The following ANAPC16 variants were observed in gnomAD, a reference collection of about 807,000 sequenced individuals.
ANAPC16 encodes the protein anaphase-promoting complex subunit 16.
ANAPC16 carries 6 observed loss-of-function variants against 13.1 expected under a neutral mutation model. That is an observed-to-expected ratio of 0.46 (90% confidence interval 0.25 to 0.90). ANAPC16 has a LOEUF of 0.90. ANAPC16 is among the 40% of genes least tolerant of loss of function. ANAPC16 has a pLI of 0.18. For synonymous variants in ANAPC16, 55 were observed against 51.3 expected, an observed-to-expected ratio of 1.07 and a Z score of -0.31; for missense variants, 113 against 131.1, an observed-to-expected ratio of 0.86 and a Z score of 0.67.
intron 1 of ANAPC16, among the ~76,000 whole-genome samples, chr10:72,217,908 T>G (rs1254338112): frequency 6.6e-6 from 1 of 151,742 alleles, no homozygotes; most frequent in Non-Finnish European, 1.5e-5. Flanking sequence ...ATTTTCGGAT[T>G]TGAGAGGCTT....
At chr10:72,228,278 C>T (rs1374703474) in intron 2 of ANAPC16, among the ~76,000 whole-genome samples, 5 of 152,158 alleles carry the variant, frequency 3.3e-5, no homozygotes, top group Non-Finnish European at 7.3e-5. Flanking sequence ...CAGTTTGCAG[C>T]ATTCTCCTGC....
intron 1 of ANAPC16, among the ~76,000 whole-genome samples, chr10:72,222,721 G>A (rs1564791941): frequency 6.6e-6 from 1 of 152,240 alleles, no homozygotes; most frequent in East Asian, 1.9e-4. Flanking sequence ...AGGTTGCGGT[G>A]AGCCGATATC....
At chr10:72,228,083 G>T (rs1860182346) in intron 2 of ANAPC16, among the ~76,000 whole-genome samples, 1 of 151,842 alleles carries the variant, frequency 6.6e-6, no homozygotes, top group Non-Finnish European at 1.5e-5. Flanking sequence ...CCTGTCAAGA[G>T]TAAGGAACAA....
Position 72,233,639 on chromosome 10 carries a change from T to C in ANAPC16, c.*523T>C, listed in dbSNP as rs1860392498. Reference sequence around the variant, plus strand: ...TTCCTATTTTTAGACATCAATTCTATAGATTCTGACTTTTTCTAACCTCTT... The same window carrying C: ...TTCCTATTTTTAGACATCAATTCTACAGATTCTGACTTTTTCTAACCTCTT... On this transcript the variant is annotated 3_prime_UTR_variant, in exon 4 of 4. Coordinates refer to ENST00000299381, the MANE Select transcript of ANAPC16 (RefSeq NM_173473.4). 3 of 153,012 alleles carry C rather than the reference T, an allele frequency of 2.0e-5. No individual in the cohort carries two copies. Among genetic ancestry groups the C allele is most frequent in the Admixed American group, 2.0e-4 (3 of 15,326 alleles). The allele number at this position is 153,012 out of a possible 1,614,324, so 9.5% of individuals were successfully genotyped here. A position where few individuals can be genotyped will look rare whatever the true frequency, so the allele number is the denominator to read the frequency against.
intron 1 of ANAPC16, among the ~76,000 whole-genome samples, chr10:72,222,758 C>G (rs142933068): frequency 3.9e-5 from 6 of 152,238 alleles, no homozygotes; most frequent in African/African-American, 1.2e-4. Flanking sequence ...GCGTGGGCGA[C>G]AAGAGCGAGA....
At chr10:72,229,106 G>A (rs573622033) in intron 2 of ANAPC16, among the ~76,000 whole-genome samples, 1 of 151,674 alleles carries the variant, frequency 6.6e-6, no homozygotes, top group East Asian at 1.9e-4. Flanking sequence ...GATAATGACT[G>A]CTGACATTCA....
rs1487784122 is a variant in ANAPC16 at position 72,234,591 on chromosome 10, T to A, written c.*1475T>A. 6.6e-6 allele frequency: 1 copy of A among 152,208 alleles called. No individual in the cohort carries two copies. Among genetic ancestry groups the A allele is most frequent in the African/African-American group, 2.4e-5 (1 of 41,454 alleles). The allele number at this position is 152,208 out of a possible 1,614,324, so 9.4% of individuals were successfully genotyped here. A position where few individuals can be genotyped will look rare whatever the true frequency, so the allele number is the denominator to read the frequency against. ...TTGCCTTAGACAACATTTGTCTGGT[T>A]CCTTATTAATAACTTGCATCTGATC... On this transcript the variant is annotated 3_prime_UTR_variant, in exon 4 of 4. Transcript: ENST00000299381.
At chr10:72,219,449 A>G (rs1338982794) in intron 1 of ANAPC16, among the ~76,000 whole-genome samples, 1 of 152,190 alleles carries the variant, frequency 6.6e-6, no homozygotes, top group African/African-American at 2.4e-5. Context: ...AAGATTGAAA[A>G]TGTCAGCTGA....
intron 1 of ANAPC16, among the ~76,000 whole-genome samples, chr10:72,218,183 T>G (rs1416710971): frequency 2.6e-5 from 1 of 39,210 alleles, no homozygotes; most frequent in Non-Finnish European, 5.2e-5. Context: ...TATATATATA[T>G]ATATATATAT....
At position 72,235,536 on chromosome 10, in the gene ANAPC16, T is replaced by C. The variant is rs908597489; in HGVS notation, c.*2420T>C. On this transcript the variant is annotated 3_prime_UTR_variant, in exon 4 of 4. Transcript: ENST00000299381. ...TCACATTTTCTATATTAATAATTCTTAACTAAAAGAAGTTCCATATTCGAC... is the reference window on the plus strand; with the variant it reads ...TCACATTTTCTATATTAATAATTCTCAACTAAAAGAAGTTCCATATTCGAC... 23 of 152,226 alleles carry C rather than the reference T, an allele frequency of 1.5e-4. No homozygotes were observed. The highest frequency in any genetic ancestry group is 5.3e-4 in the African/African-American group (22 of 41,456). 9.4% of individuals were successfully genotyped at this position (152,226 alleles called of 1,614,324 possible).
At chr10:72,217,838 CT>C (rs1349143167) in intron 1 of ANAPC16, among the ~76,000 whole-genome samples, 3 of 152,046 alleles carry the variant, frequency 2.0e-5, no homozygotes, top group African/African-American at 7.2e-5. Flanking sequence ...AAATTTAAAA[CT>C]TTTTGAGCAC....
chr10:72,218,136 ACT>A (rs1413727137), intron 1 of ANAPC16, among the ~76,000 whole-genome samples: 7 of 116,548 alleles, frequency 6.0e-5, no homozygotes, highest in Admixed American at 1.9e-4. Context: ...CAAGAGTGAA[ACT>A]CTGTCTCAAA....
intron 1 of ANAPC16, among the ~76,000 whole-genome samples, chr10:72,218,168 ATATATATATATATATATATATATATATAT>A (rs1859723016): frequency 6.6e-4 from 13 of 19,744 alleles, no homozygotes; most frequent in South Asian, 2.6e-3. Flanking sequence ...AAAAAAAAAT[ATATATATATATATATATATATATATATAT>A]ATATATATAT....
intron 3 of ANAPC16, 143 bp downstream of exon 3, chr10:72,230,583 C>G (rs1042578427): frequency 1.5e-6 from 1 of 687,910 alleles, no homozygotes; most frequent in Non-Finnish European, 2.5e-6. Flanking sequence ...TTAATCTAGT[C>G]ATAATGTCCA....
At chr10:72,218,229 T>A (rs193059042) in intron 1 of ANAPC16, among the ~76,000 whole-genome samples, 1 of 133,736 alleles carries the variant, frequency 7.5e-6, no homozygotes, top group African/African-American at 2.9e-5. Flanking sequence ...TGCCGGAGGT[T>A]GCAATTTTTT....
At chr10:72,225,059 G>GCTT (rs1860077006) in intron 2 of ANAPC16, among the ~76,000 whole-genome samples, 4 of 151,916 alleles carry the variant, frequency 2.6e-5, no homozygotes, top group African/African-American at 9.7e-5. Flanking sequence ...CAAGGCGGGT[G>GCTT]GATCACCTGA....
In ANAPC16 at chr10:72,218,161, AAAAAATATATATATATATATAT is replaced by A. The variant is rs56119402; in HGVS notation, c.-28+2025_-28+2046del. On this transcript the variant is annotated intron_variant, in intron 1 of 3. Transcript: ENST00000299381. ...ACTCTGTCTCAAAAAAAAAAAAAAA[AAAAAATATATATATATATATAT>A]ATATATATATATATATATATATATA... Among the ~76,000 whole-genome samples the A allele has an allele frequency of 7.5e-3, 301 of 40,380 alleles. 15 individuals carry two copies. Among genetic ancestry groups the A allele is most frequent in the Admixed American group, 0.016 (39 of 2,376 alleles). 26.5% of individuals were successfully genotyped at this position (40,380 alleles called of 152,430 possible).
chr10:72,226,788 G>A (rs1206173932), intron 2 of ANAPC16, among the ~76,000 whole-genome samples: 7 of 152,102 alleles, frequency 4.6e-5, no homozygotes, highest in Admixed American at 2.6e-4. Context: ...AGGAAACCAC[G>A]GGGGGACTCT....
intron 1 of ANAPC16, among the ~76,000 whole-genome samples, chr10:72,218,165 A>AATATATATATATAT (rs61038115): frequency 3.2e-5 from 1 of 31,538 alleles, no homozygotes; most frequent in African/African-American, 1.6e-4. Context: ...AAAAAAAAAA[A>AATATATATATATAT]ATATATATAT....
Sources: gnomAD v4.1 joint callset for allele counts (sites outside exome capture counted in the v4.1 genomes callset) on GRCh38, gnomAD v4.1.1 for gene constraint, MANE v1.5 for transcripts, NCBI Gene and HGNC (gene_info 2026-07-23, HGNC 2026-07-21) for gene names.